Variants in EDRF1 observed in about 807,000 individuals in gnomAD.
EDRF1 encodes erythroid differentiation regulatory factor 1, also known as erythroid differentiation-related factor 1.
In EDRF1, 69 loss-of-function variants were observed where a neutral mutation model predicts 148.7. The ratio of observed to expected loss-of-function variants is 0.46; its 90% CI spans 0.38 to 0.57. EDRF1 has a LOEUF of 0.57. Among genes scored for constraint, EDRF1 ranks in the 20% least tolerant of loss-of-function variants. The pLI, the probability that EDRF1 is intolerant of heterozygous loss-of-function variation, is 0.00. For missense variants in EDRF1, 1,118 were observed against 1,478.7 expected, an observed-to-expected ratio of 0.76 and a Z score of 4.00; for synonymous variants, 515 against 532.8, an observed-to-expected ratio of 0.97 and a Z score of 0.46.
At position 125,742,931 on chromosome 10, in the gene EDRF1, G is replaced by A. The variant is rs530557463; in HGVS notation, c.2372-127G>A. 4 of 1,429,402 alleles carry A rather than the reference G, an allele frequency of 2.8e-6. No homozygotes were observed. In the South Asian group the frequency reaches 5.4e-5, roughly 19 times the overall value. 88.5% of individuals were successfully genotyped at this position (1,429,402 alleles called of 1,614,324 possible). A position where few individuals can be genotyped will look rare whatever the true frequency, so the allele number is the denominator to read the frequency against. ...AAACTTAAATATTGTTGTATTGATTGAATCTTGGTATACTTACACTATATT... is the reference window on the plus strand; with the variant it reads ...AAACTTAAATATTGTTGTATTGATTAAATCTTGGTATACTTACACTATATT... On this transcript the variant is annotated intron_variant, in intron 17 of 24. Coordinates refer to ENST00000356792, the MANE Select transcript of EDRF1 (RefSeq NM_001202438.2).
intron 20 of EDRF1, 47 bp downstream of exon 20, chr10:125,747,741 C>T (rs780117299): frequency 5.6e-6 from 9 of 1,611,932 alleles, no homozygotes; most frequent in African/African-American, 4.0e-5. Flanking sequence ...ATCTAATTCC[C>T]TTGTTTAACA....
In EDRF1 at chr10:125,753,970, C is replaced by G. The variant is rs902237688; in HGVS notation, c.3545+125C>G. 7 of 1,017,050 alleles carry G rather than the reference C, an allele frequency of 6.9e-6. No homozygotes were observed. The African/African-American group carries it at 1.1e-4, about 16-fold the overall frequency. The allele number at this position is 1,017,050 out of a possible 1,614,324, so 63.0% of individuals were successfully genotyped here. A position where few individuals can be genotyped will look rare whatever the true frequency, so the allele number is the denominator to read the frequency against. On this transcript the variant is annotated intron_variant, in intron 24 of 24. Transcript: ENST00000356792. Reference sequence around the variant, plus strand: ...TTGGCTCACACCTGCAATCCCAGCACTTTGGGAGGCCAAGGCAGGCAGATC... The same window carrying G: ...TTGGCTCACACCTGCAATCCCAGCAGTTTGGGAGGCCAAGGCAGGCAGATC...
At chr10:125,728,603 C>T (rs1848367011) in intron 6 of EDRF1, among the ~76,000 whole-genome samples, 1 of 152,100 alleles carries the variant, frequency 6.6e-6, no homozygotes, top group Non-Finnish European at 1.5e-5. Context: ...GCAGTTCTCC[C>T]CTGTCGACCT....
At chr10:125,748,269 C>G (rs1003628315) in intron 21 of EDRF1, 1 of 533,116 alleles carries the variant, frequency 1.9e-6, no homozygotes, top group Admixed American at 3.1e-5. Flanking sequence ...CACTTAACAT[C>G]GTGTTTTTGA....
chr10:125,763,599 A>C lies in EDRF1; in HGVS notation c.*127A>C, dbSNP rs900392211. 1.1e-5 allele frequency: 12 copies of C among 1,112,144 alleles called. No homozygotes were observed. The Admixed American group carries it at 2.6e-4, about 24-fold the overall frequency. 68.9% of individuals were successfully genotyped at this position (1,112,144 alleles called of 1,614,324 possible). On this transcript the variant is annotated 3_prime_UTR_variant, in exon 25 of 25. Coordinates refer to ENST00000356792, the MANE Select transcript of EDRF1 (RefSeq NM_001202438.2). This position sits in a 1 kb window ranked among gnomAD's most constrained non-coding sequence, Gnocchi z 4.3. ...TTAAAACAGGTATATCAGTGGAAAC[A>C]CAGAGTTATTTTAAGTGACAGACAA...
intron 24 of EDRF1, among the ~76,000 whole-genome samples, chr10:125,762,269 C>A (rs1433798860): frequency 1.3e-5 from 2 of 152,184 alleles, no homozygotes; most frequent in Non-Finnish European, 2.9e-5. Flanking sequence ...AAGAGCATAG[C>A]ATTTGAAATT....
rs754764877 is a variant in EDRF1, at chr10:125,752,811, A to G, written c.3290A>G (p.Asn1097Ser). The G allele has an allele frequency of 9.3e-6, 15 of 1,611,978 alleles. No individual in the cohort carries two copies. The highest frequency in any genetic ancestry group is 5.3e-5 in the African/African-American group (4 of 74,894). Residue 1097 changes from asparagine to serine, a missense_variant, in exon 23 of 25, where the codon AAT becomes AGT. By Grantham distance (46) the Asn-to-Ser change is conservative. This residue lies in a region of EDRF1 where 954 missense variants were observed against 1,241.4 expected (regional missense o/e 0.77). Coordinates refer to ENST00000356792, the MANE Select transcript of EDRF1 (RefSeq NM_001202438.2). ...AEFQMTSQNS[N>S]VGKLKTLSGA... ...TTTAAAACTTTAGGTCAGAATAGCA[A>G]TGTTGGAAAGTTGAAAACACTATCT...
At position 125,728,998 on chromosome 10, in the gene EDRF1, C is replaced by T; in HGVS notation, c.793-5C>T. 2 of 1,569,702 alleles carry T rather than the reference C, an allele frequency of 1.3e-6. No individual in the cohort carries two copies. The highest frequency in any genetic ancestry group is 1.7e-6 in the Non-Finnish European group (2 of 1,165,070). Reference sequence around the variant, plus strand: ...AATCACTCCTTATCCTTGCACTTTTCACAGGGAAGTGAGCCTCTTGAACCC... The same window carrying T: ...AATCACTCCTTATCCTTGCACTTTTTACAGGGAAGTGAGCCTCTTGAACCC... On this transcript the variant is annotated splice_region_variant and splice_polypyrimidine_tract_variant and intron_variant, in intron 6 of 24. Coordinates refer to ENST00000356792, the MANE Select transcript of EDRF1 (RefSeq NM_001202438.2).
chr10:125,721,204 G>A lies in EDRF1; in HGVS notation c.109G>A (p.Gly37Arg), dbSNP rs1847982657. The A allele has an allele frequency of 6.2e-7, 1 of 1,613,978 alleles. No homozygotes were observed. Among genetic ancestry groups the A allele is most frequent in the African/African-American group, 1.3e-5 (1 of 75,024 alleles). Residue 37 changes from glycine to arginine, a missense_variant and splice_region_variant, in exon 2 of 25, where the codon GGA (glycine) becomes AGA (arginine). Transcript: ENST00000356792. ...QGESEESSAQ[G>R]SALFLGGNEV... ...AAGTTTCACCCAATGTGTTAATTAG[G>A]GATCAGCTTTATTTCTTGGAGGCAA... is the stretch of plus-strand genomic sequence containing the variant.
chr10:125,724,285 T>C (rs538103591), intron 4 of EDRF1, among the ~76,000 whole-genome samples: 81 of 152,336 alleles, frequency 5.3e-4, no homozygotes, highest in African/African-American at 1.7e-3. Flanking sequence ...GAAACACAGC[T>C]ACTGGAAAAT....
chr10:125,763,121 G>A lies in EDRF1; in HGVS notation c.3546-180G>A, dbSNP rs765147370. ...TTCATTGATGTATTGAAATAAATGT[G>A]TAGAAACAGGCCCATGAGCAATATG... On this transcript the variant is annotated intron_variant, in intron 24 of 24. Coordinates refer to ENST00000356792, the MANE Select transcript of EDRF1 (RefSeq NM_001202438.2). The surrounding 1 kb of genome is among the most constrained non-coding windows in gnomAD (Gnocchi z 4.3). Among the ~76,000 whole-genome samples, 1 of 152,176 alleles carries A rather than the reference G, an allele frequency of 6.6e-6. No individual in the cohort carries two copies. Among genetic ancestry groups the A allele is most frequent in the African/African-American group, 2.4e-5 (1 of 41,446 alleles).
Position 125,719,728 on chromosome 10 carries a change from G to C in EDRF1, c.-80G>C. On this transcript the variant is annotated 5_prime_UTR_variant, in exon 1 of 25. Coordinates refer to ENST00000356792, the MANE Select transcript of EDRF1 (RefSeq NM_001202438.2). ...AAGTGCGGTCCGCGGAGCGTCTCTG[G>C]CGCTTACCCTGCTTTGGGCCTGCGT... 1 of 1,123,128 alleles carries C rather than the reference G, an allele frequency of 8.9e-7. No individual in the cohort carries two copies. Among genetic ancestry groups the C allele is most frequent in the Non-Finnish European group, 1.3e-6 (1 of 787,304 alleles). 69.6% of individuals were successfully genotyped at this position (1,123,128 alleles called of 1,614,324 possible).
At chr10:125,722,547 G>T (rs1005181930) in intron 2 of EDRF1, among the ~76,000 whole-genome samples, 1 of 152,088 alleles carries the variant, frequency 6.6e-6, no homozygotes, top group Non-Finnish European at 1.5e-5. Context: ...GGCATCAGTT[G>T]GCTGCTCAAT....
At position 125,763,498 on chromosome 10, in the gene EDRF1, G is replaced by T. The variant is rs767266775; in HGVS notation, c.*26G>T. ...CTGCACAGAGCCGTGTCCCAGACACGCTGTCAGTGCCTTCAACACGGAGCC... is the reference window on the plus strand; with the variant it reads ...CTGCACAGAGCCGTGTCCCAGACACTCTGTCAGTGCCTTCAACACGGAGCC... On this transcript the variant is annotated 3_prime_UTR_variant, in exon 25 of 25. Transcript: ENST00000356792. This position sits in a 1 kb window ranked among gnomAD's most constrained non-coding sequence, Gnocchi z 4.3. The T allele has an allele frequency of 6.2e-7, 1 of 1,600,582 alleles. No homozygotes were observed. Among genetic ancestry groups the T allele is most frequent in the Admixed American group, 1.7e-5 (1 of 59,678 alleles).
Position 125,733,612 on chromosome 10 carries a change from GTCT to G in EDRF1, c.1277-18_1277-16del, listed in dbSNP as rs755061606. Reference sequence around the variant, plus strand: ...GATTTGGGTAACTGCTGTGAAATGAGTCTTCTTTGTTTTTCTTTTCAGCAAGTG... The same window carrying G: ...GATTTGGGTAACTGCTGTGAAATGAGTCTTTGTTTTTCTTTTCAGCAAGTG... On this transcript the variant is annotated intron_variant, in intron 10 of 24. Transcript: ENST00000356792. The G allele has an allele frequency of 1.2e-6, 2 of 1,611,724 alleles. No homozygotes were observed. The highest frequency in any genetic ancestry group is 2.2e-5 in the South Asian group (2 of 91,030).
rs1197760970 is a variant in EDRF1 at position 125,719,751 on chromosome 10, C to A, written c.-57C>A. On this transcript the variant is annotated 5_prime_UTR_variant, in exon 1 of 25. Coordinates refer to ENST00000356792, the MANE Select transcript of EDRF1 (RefSeq NM_001202438.2). ...TGGCGCTTACCCTGCTTTGGGCCTG[C>A]GTTGCTGCTGCTGCTCCTCCGCTCC... 2.8e-6 allele frequency: 4 copies of A among 1,428,180 alleles called. No homozygotes were observed. The highest frequency in any genetic ancestry group is 2.4e-5 in the East Asian group (1 of 41,326). The allele number at this position is 1,428,180 out of a possible 1,614,324, so 88.5% of individuals were successfully genotyped here.
rs751336062 is a variant in EDRF1, at chr10:125,719,884, C to G, written c.77C>G (p.Ser26Cys). The G allele has an allele frequency of 3.1e-6, 5 of 1,613,272 alleles. No homozygotes were observed. Among genetic ancestry groups the G allele is most frequent in the Non-Finnish European group, 3.4e-6 (4 of 1,179,884 alleles). The change falls in exon 1 of 25, where the codon TCC becomes TGC. Residue 26 changes from serine (S) to cysteine (C), a missense_variant. By Grantham distance (112) the Ser-to-Cys change is moderately radical. This residue lies in a region of EDRF1 where 65 missense variants were observed against 50.3 expected (regional missense o/e 1.29). Transcript: ENST00000356792. The part of the protein sequence containing the change: ...AAARGGLSLL[S>C]QGESEESSAQ... ...GCTCGAGGAGGGCTCAGCCTCCTGT[C>G]CCAGGGAGAATCCGAGGAATCTTCT...
At chr10:125,731,902 G>A in intron 9 of EDRF1, 1 of 453,374 alleles carries the variant, frequency 2.2e-6, no homozygotes. Flanking sequence ...GATGGAAAGA[G>A]AGACTGAGGA....
Position 125,729,099 on chromosome 10 carries a change from A to C in EDRF1, c.889A>C (p.Ser297Arg). 1 of 1,563,390 alleles carries C rather than the reference A, an allele frequency of 6.4e-7. No homozygotes were observed. The highest frequency in any genetic ancestry group is 8.6e-7 in the Non-Finnish European group (1 of 1,161,208). ...TACTTTATTCAATGACGGGGAGCAC[A>C]GTCAGGTATGCTTTCCATGGTGTCC... ...LITLFNDGEH[S>R]QGLKNDFVRN... The change falls in exon 7 of 25, where the codon AGT becomes CGT. Residue 297 changes from serine to arginine, a missense_variant. Ser to Arg is a moderately radical substitution (Grantham distance 110). This residue lies in a region of EDRF1 where 954 missense variants were observed against 1,241.4 expected (regional missense o/e 0.77). Coordinates refer to ENST00000356792, the MANE Select transcript of EDRF1 (RefSeq NM_001202438.2).
Sources: gnomAD v4.1 joint callset for allele counts (sites outside exome capture counted in the v4.1 genomes callset) on GRCh38, gnomAD v4.1.1 for gene constraint, gnomAD v4.1.1 regional missense constraint, Gnocchi (gnomAD v3.1) non-coding constraint, MANE v1.5 for transcripts, NCBI Gene and HGNC (gene_info 2026-07-23, HGNC 2026-07-21) for gene names.